The following CSMD1 variants were observed in gnomAD, a reference collection of about 807,000 sequenced individuals.
CSMD1 encodes CUB and Sushi multiple domains 1.
CSMD1 carries 213 observed loss-of-function variants against 417.5 expected under a neutral mutation model. The ratio of observed to expected loss-of-function variants is 0.51; its 90% confidence interval spans 0.46 to 0.57. CSMD1 has a LOEUF of 0.57. CSMD1 is among the 20% of genes least tolerant of loss of function. The probability of loss-of-function intolerance (pLI) is 0.00; values close to 1 mark genes in which losing one functional copy is unlikely to be tolerated. For missense variants in CSMD1, 6,923 were observed against 4,529.7 expected (o/e 1.53, Z -15.17); for synonymous variants, 2,862 against 1,736.8 (o/e 1.65, Z -16.11).
intron 36 of CSMD1, among the ~76,000 whole-genome samples, chr8:3,185,900 G>A (rs1821724246): frequency 6.6e-6 from 1 of 152,134 alleles, no homozygotes; most frequent in Non-Finnish European, 1.5e-5. Context: ...TGAGTGTAGA[G>A]AAACAGACAC....
rs879430462 is a variant in CSMD1, at chr8:4,408,600, A to G, written c.415+11353T>C. 1.1e-4 allele frequency among the ~76,000 whole-genome samples: 17 copies of G among 152,334 alleles called. No individual in the cohort carries two copies. In the South Asian group the frequency reaches 1.9e-3, roughly 17 times the overall value. Reference sequence around the variant, plus strand: ...GAATGAAAAGTGAAGGAAGCAATTAAGAAATGTCTGATAATGGAAAATGTA... The same window carrying G: ...GAATGAAAAGTGAAGGAAGCAATTAGGAAATGTCTGATAATGGAAAATGTA... On this transcript the variant is annotated intron_variant, in intron 3 of 69. Transcript: ENST00000635120.
chr8:4,045,473 T>C (rs1205275647), intron 3 of CSMD1, among the ~76,000 whole-genome samples: 1 of 152,024 alleles, frequency 6.6e-6, no homozygotes, highest in Non-Finnish European at 1.5e-5. Context: ...GGTGCTGGGG[T>C]CAGAACACTG....
At chr8:4,385,791 G>C (rs1803408816) in intron 3 of CSMD1, among the ~76,000 whole-genome samples, 1 of 152,140 alleles carries the variant, frequency 6.6e-6, no homozygotes. Flanking sequence ...TGTATTTGTA[G>C]AGTGTTAATG....
intron 3 of CSMD1, among the ~76,000 whole-genome samples, chr8:4,349,882 G>C (rs568974643): frequency 7.4e-4 from 108 of 146,384 alleles, no homozygotes; most frequent in African/African-American, 2.7e-3. Flanking sequence ...TTTAAGAAAA[G>C]ACAGGGAGCC....
At chr8:3,309,992 C>G (rs904775839) in intron 23 of CSMD1, among the ~76,000 whole-genome samples, 1 of 152,150 alleles carries the variant, frequency 6.6e-6, no homozygotes, top group African/African-American at 2.4e-5. Flanking sequence ...TACGATAACC[C>G]TGATCTATTT....
intron 1 of CSMD1, among the ~76,000 whole-genome samples, chr8:4,748,541 A>C (rs1018538476): frequency 2.0e-5 from 3 of 152,202 alleles, no homozygotes; most frequent in Non-Finnish European, 2.9e-5. Flanking sequence ...AACGGTATTT[A>C]TCAAAGAACA....
intron 1 of CSMD1, among the ~76,000 whole-genome samples, chr8:4,885,222 G>C (rs1803659532): frequency 1.3e-5 from 2 of 152,114 alleles, no homozygotes; most frequent in East Asian, 1.9e-4. Context: ...AGATATAATA[G>C]TTTTTTAATC....
intron 3 of CSMD1, among the ~76,000 whole-genome samples, chr8:4,100,310 T>A (rs1801240729): frequency 6.6e-6 from 1 of 152,322 alleles, no homozygotes; most frequent in South Asian, 2.1e-4. Flanking sequence ...TTTTACCAAA[T>A]GAAACCTTCA....
chr8:3,437,473 G>T (rs1234511936), intron 12 of CSMD1, among the ~76,000 whole-genome samples: 3 of 151,996 alleles, frequency 2.0e-5, no homozygotes, highest in African/African-American at 7.3e-5. Context: ...TATTCTAATG[G>T]GACAGCGGGA....
chr8:3,385,002 T>A (rs868601457), intron 18 of CSMD1, among the ~76,000 whole-genome samples: 1 of 67,478 alleles, frequency 1.5e-5, no homozygotes, highest in South Asian at 4.4e-4. Flanking sequence ...ATATGCTATT[T>A]ATATATAAAT....
intron 3 of CSMD1, among the ~76,000 whole-genome samples, chr8:4,140,817 T>C (rs541829214): frequency 1.3e-5 from 2 of 151,070 alleles, no homozygotes; most frequent in Admixed American, 1.3e-4. Context: ...GTAAATGGGC[T>C]CAGCACCCTC....
chr8:3,737,088 T>C (rs1325079925), intron 6 of CSMD1, among the ~76,000 whole-genome samples: 1 of 152,240 alleles, frequency 6.6e-6, no homozygotes, highest in East Asian at 1.9e-4. Context: ...ATTTATATTA[T>C]AGTCATGTAA....
At chr8:4,642,022 C>G (rs549975117) in intron 1 of CSMD1, among the ~76,000 whole-genome samples, 2 of 152,194 alleles carry the variant, frequency 1.3e-5, no homozygotes, top group Admixed American at 6.5e-5. Flanking sequence ...GGATTAAATA[C>G]TTGCCAGTCC....
chr8:3,759,054 A>C (rs1797839599), intron 5 of CSMD1, among the ~76,000 whole-genome samples: 1 of 152,222 alleles, frequency 6.6e-6, no homozygotes, highest in African/African-American at 2.4e-5. Flanking sequence ...CCAGAGAGCA[A>C]CACAGCCCAG....
chr8:3,289,946 T>A (rs1447990905), intron 25 of CSMD1, among the ~76,000 whole-genome samples: 4 of 147,606 alleles, frequency 2.7e-5, no homozygotes, highest in Non-Finnish European at 5.9e-5. Context: ...CTTCTAGGGT[T>A]TTTATAGTAT....
intron 1 of CSMD1, among the ~76,000 whole-genome samples, chr8:4,761,893 A>AT (rs1242277997): frequency 6.7e-4 from 63 of 94,614 alleles, no homozygotes; most frequent in Admixed American, 1.3e-3. Context: ...CTATCTACCT[A>AT]CCTATCTATC....
At chr8:4,446,044 CAAG>C (rs1419351722) in intron 2 of CSMD1, among the ~76,000 whole-genome samples, 1 of 152,110 alleles carries the variant, frequency 6.6e-6, no homozygotes, top group Non-Finnish European at 1.5e-5. Context: ...TGACACAGCC[CAAG>C]AAGAGGAGAC....
At chr8:4,751,834 G>A (rs757639716) in intron 1 of CSMD1, among the ~76,000 whole-genome samples, 1 of 152,132 alleles carries the variant, frequency 6.6e-6, no homozygotes, top group Admixed American at 6.5e-5. Context: ...TCGGTTTCAT[G>A]TTCTCTGTCC....
At chr8:3,990,180 C>T (rs894798257) in intron 5 of CSMD1, among the ~76,000 whole-genome samples, 2 of 152,154 alleles carry the variant, frequency 1.3e-5, no homozygotes, top group South Asian at 4.2e-4. Flanking sequence ...GGGCCACATA[C>T]AAAAAGAAAG....
Sources: allele counts gnomAD v4.1 joint callset (sites outside exome capture counted in the v4.1 genomes callset), GRCh38; gene constraint gnomAD v4.1.1; transcripts MANE v1.5; gene names NCBI Gene and HGNC (gene_info 2026-07-23, HGNC 2026-07-21).